ADAMTS6: variants seen among roughly 807,000 people sequenced by gnomAD.
ADAMTS6 encodes the protein A disintegrin and metalloproteinase with thrombospondin motifs 6.
Under a neutral mutation model 144.3 loss-of-function variants are expected in ADAMTS6, and 23 were observed. The ratio of observed to expected loss-of-function variants is 0.16; its 90% confidence interval spans 0.11 to 0.23. ADAMTS6 has a LOEUF of 0.23. Ranked by LOEUF, ADAMTS6 falls within the 10% of genes least tolerant of loss-of-function variation. The pLI is 1.00. For synonymous variants in ADAMTS6, 444 were observed against 457.5 expected (o/e 0.97, Z 0.38); for missense variants, 999 against 1,379.6 (o/e 0.72, Z 4.37).
chr5:65,405,388 T>C (rs1318773474), intron 7 of ADAMTS6, among the ~76,000 whole-genome samples: 1 of 152,216 alleles, frequency 6.6e-6, no homozygotes, highest in Non-Finnish European at 1.5e-5. Flanking sequence ...CCCAGCACCA[T>C]TTACTAAATA....
At chr5:65,275,387 GAAAGAAAGAAAGAAAGAAAGAAAGAAAGA>G (rs1561364169) in intron 11 of ADAMTS6, among the ~76,000 whole-genome samples, 26 of 132,878 alleles carry the variant, frequency 2.0e-4, no homozygotes, top group African/African-American at 5.7e-4. Context: ...AAGAAAGAAA[GAAAGAAAGAAAGAAAGAAAGAAAGAAAGA>G]AAAGAAAGAA....
intron 7 of ADAMTS6, among the ~76,000 whole-genome samples, chr5:65,392,003 T>C (rs988216080): frequency 6.6e-6 from 1 of 152,160 alleles, no homozygotes; most frequent in Non-Finnish European, 1.5e-5. Flanking sequence ...CCCAAAGTGC[T>C]GAGATTATAG....
intron 7 of ADAMTS6, among the ~76,000 whole-genome samples, chr5:65,381,529 ATTTTTTTTTTTTT>A (rs748143650): frequency 1.9e-4 from 20 of 103,130 alleles, no homozygotes; most frequent in African/African-American, 5.2e-4. Flanking sequence ...TGCCTGGCTA[ATTTTTTTTTTTTT>A]TTTTTTTTTT....
At chr5:65,354,126 C>T (rs987563777) in intron 7 of ADAMTS6, among the ~76,000 whole-genome samples, 3 of 151,958 alleles carry the variant, frequency 2.0e-5, no homozygotes, top group African/African-American at 7.2e-5. Context: ...TGATCTCTTC[C>T]TTGAGCTCCA....
intron 7 of ADAMTS6, among the ~76,000 whole-genome samples, chr5:65,374,195 G>A (rs953588394): frequency 2.6e-5 from 4 of 152,088 alleles, no homozygotes; most frequent in Admixed American, 6.5e-5. Flanking sequence ...TAGAAAACTG[G>A]CACAAGACAG....
chr5:65,448,126 C>T lies in ADAMTS6; in HGVS notation c.1073+3349G>A, dbSNP rs757123106. Among the ~76,000 whole-genome samples, 199 of 150,556 alleles carry T rather than the reference C, an allele frequency of 1.3e-3. 2 individuals carry two copies. The highest frequency in any genetic ancestry group is 8.1e-4 in the Non-Finnish European group (55 of 67,648). ...CACATATATGTACATATAAAATACA[C>T]ATGTATAATATATATAAATAATTTA... is the stretch of plus-strand genomic sequence containing the variant. On this transcript the variant is annotated intron_variant, in intron 7 of 24. Transcript: ENST00000381055.
intron 7 of ADAMTS6, among the ~76,000 whole-genome samples, chr5:65,382,284 T>C (rs1752108978): frequency 6.6e-6 from 1 of 152,332 alleles, no homozygotes; most frequent in South Asian, 2.1e-4. Context: ...TGATTAAGAT[T>C]TCTAATAAAT....
chr5:65,188,409 T>C (rs1349785199), intron 21 of ADAMTS6, among the ~76,000 whole-genome samples, 189 bp from the exon 22 acceptor site: 1 of 152,212 alleles, frequency 6.6e-6, no homozygotes. Context: ...TAAAGTGTAG[T>C]GTGTGGACAG....
At chr5:65,305,813 GACAC>G (rs746422686) in intron 9 of ADAMTS6, among the ~76,000 whole-genome samples, 1 of 151,066 alleles carries the variant, frequency 6.6e-6, no homozygotes, top group Non-Finnish European at 1.5e-5. Context: ...TGCACACATG[GACAC>G]ACACACACAC....
At chr5:65,346,328 T>C (rs1748314281) in intron 7 of ADAMTS6, among the ~76,000 whole-genome samples, 1 of 151,804 alleles carries the variant, frequency 6.6e-6, no homozygotes, top group African/African-American at 2.4e-5. Context: ...TGGTTCAACA[T>C]AGATATCAAT....
intron 24 of ADAMTS6, among the ~76,000 whole-genome samples, chr5:65,157,700 G>A (rs1752513267): frequency 6.6e-6 from 1 of 152,220 alleles, no homozygotes; most frequent in Non-Finnish European, 1.5e-5. Flanking sequence ...AGAACCTGAT[G>A]AGAAGTGAGA....
At chr5:65,303,538 C>T (rs6861406) in intron 9 of ADAMTS6, among the ~76,000 whole-genome samples, 44,742 of 151,624 alleles carry the variant, frequency 0.3, 6,797 homozygotes, top group Admixed American at 0.37. Context: ...AACATTAAAT[C>T]CAGAAGAAAA....
At chr5:65,439,883 C>A (rs1458735782) in intron 7 of ADAMTS6, among the ~76,000 whole-genome samples, 1 of 152,222 alleles carries the variant, frequency 6.6e-6, no homozygotes, top group Non-Finnish European at 1.5e-5. Flanking sequence ...CGGTTCACTG[C>A]AACCTCCACC....
rs1388314565 is a variant in ADAMTS6 at position 65,414,891 on chromosome 5, AC to A, written c.1073+36583del. On this transcript the variant is annotated intron_variant, in intron 7 of 24. Coordinates refer to ENST00000381055, the MANE Select transcript of ADAMTS6 (RefSeq NM_197941.4). ...AAAACTACAAAAATCTTAGAAAAAAACATAGGAGTAAATCTTTATGACCTTG... is the reference window on the plus strand; with the variant it reads ...AAAACTACAAAAATCTTAGAAAAAAAATAGGAGTAAATCTTTATGACCTTG... Among the ~76,000 whole-genome samples, 4 of 152,362 alleles carry A rather than the reference AC, an allele frequency of 2.6e-5. No homozygotes were observed. The East Asian group carries it at 5.8e-4, about 22-fold the overall frequency.
intron 24 of ADAMTS6, among the ~76,000 whole-genome samples, chr5:65,164,461 C>A (rs1173645405): frequency 2.1e-5 from 3 of 144,046 alleles, no homozygotes; most frequent in African/African-American, 7.8e-5. Context: ...GGGAGGGGCG[C>A]CCGCCATTGC....
At chr5:65,231,077 A>T (rs1013315444) in intron 15 of ADAMTS6, among the ~76,000 whole-genome samples, 2 of 151,434 alleles carry the variant, frequency 1.3e-5, no homozygotes, top group Non-Finnish European at 3.0e-5. Context: ...AAATTCTACA[A>T]TGAAAAACAA....
At chr5:65,438,533 A>G (rs1757626305) in intron 7 of ADAMTS6, among the ~76,000 whole-genome samples, 1 of 152,182 alleles carries the variant, frequency 6.6e-6, no homozygotes. Flanking sequence ...TCTTATACAT[A>G]CATACATACA....
At chr5:65,230,696 T>C (rs1161877194) in intron 15 of ADAMTS6, among the ~76,000 whole-genome samples, 1 of 101,104 alleles carries the variant, frequency 9.9e-6, no homozygotes, top group South Asian at 3.1e-4. Flanking sequence ...ATAACACATA[T>C]GTATGAAATA....
At chr5:65,430,248 G>C (rs1252809423) in intron 7 of ADAMTS6, among the ~76,000 whole-genome samples, 2 of 150,918 alleles carry the variant, frequency 1.3e-5, no homozygotes, top group African/African-American at 4.9e-5. Flanking sequence ...TTGGTTCAAG[G>C]CCTATATACA....
Sources: gnomAD v4.1 joint callset for allele counts (sites outside exome capture counted in the v4.1 genomes callset) on GRCh38, gnomAD v4.1.1 for gene constraint, MANE v1.5 for transcripts, NCBI Gene and HGNC (gene_info 2026-07-23, HGNC 2026-07-21) for gene names.